PLXND1: variants seen among roughly 807,000 people sequenced by gnomAD.
PLXND1 encodes plexin-D1.
In PLXND1, 54 loss-of-function variants were observed where a neutral mutation model predicts 197.7. The ratio of observed to expected loss-of-function variants is 0.27; its 90% CI spans 0.22 to 0.34. PLXND1 has a LOEUF of 0.34. Among genes scored for constraint, PLXND1 ranks in the 10% least tolerant of loss-of-function variants. The pLI, the probability that PLXND1 is intolerant of heterozygous loss-of-function variation, is 1.00. For synonymous variants in PLXND1, 1,180 were observed against 1,161.2 expected (o/e 1.02, Z -0.33); for missense variants, 2,127 against 2,699.2 (o/e 0.79, Z 4.70).
chr3:129,569,602 T>G, intron 20 of PLXND1: 2 of 493,600 alleles, frequency 4.1e-6, no homozygotes, highest in South Asian at 5.4e-5. Context: ...CTGCTTGAGA[T>G]TCAGGGACCT....
intron 8 of PLXND1, 83 bp from the exon 9 acceptor site, chr3:129,578,516 G>T (rs1218318046): frequency 3.7e-6 from 3 of 802,174 alleles, no homozygotes; most frequent in Non-Finnish European, 6.1e-6. Flanking sequence ...CAGCCTGCCT[G>T]GTTCAGTCCT....
At chr3:129,574,915 G>A (rs1359580524) in intron 11 of PLXND1, among the ~76,000 whole-genome samples, 2 of 152,188 alleles carry the variant, frequency 1.3e-5, no homozygotes, top group Non-Finnish European at 2.9e-5. Context: ...GAGTAATGTG[G>A]ACTATGAGTA....
In PLXND1 at chr3:129,571,232, T is replaced by C. The variant is rs976527871; in HGVS notation, c.3408A>G (p.Pro1136=). 24 of 1,613,974 alleles carry C rather than the reference T, an allele frequency of 1.5e-5. No homozygotes were observed. In the African/African-American group the frequency reaches 1.7e-4, roughly 12 times the overall value. ...CCCGCCCATTGATGAAGAAGTCCAC[T>C]GGCGCTGATGCGTTGCTCAGGGCCC... ...SPGALSNASA[P]VDFFINGRAY... Residue 1136 remains proline (P), a synonymous_variant, in exon 18 of 36, where the codon CCA becomes CCG. Coordinates refer to ENST00000324093, the MANE Select transcript of PLXND1 (RefSeq NM_015103.3).
chr3:129,566,992 G>A (rs1005229491), intron 22 of PLXND1, among the ~76,000 whole-genome samples: 2 of 152,198 alleles, frequency 1.3e-5, no homozygotes, highest in African/African-American at 4.8e-5. Context: ...ACTGTGTGGG[G>A]AATGGTGTGG....
Position 129,559,654 on chromosome 3 carries a change from C to T in PLXND1, c.5263G>A (p.Asp1755Asn), listed in dbSNP as rs749429932. 3.7e-6 allele frequency: 6 copies of T among 1,612,212 alleles called. No individual in the cohort carries two copies. Among genetic ancestry groups the T allele is most frequent in the South Asian group, 2.2e-5 (2 of 90,730 alleles). ...EEQAEKRGIS[D>N]PDTLHIWKTN... is the part of the protein sequence containing the mutation. ...TTCCAGATGTGTAGGGTGTCGGGGTCGGAGATTCCCCTCTTCTCAGCCTGC... is the reference window on the plus strand; with the variant it reads ...TTCCAGATGTGTAGGGTGTCGGGGTTGGAGATTCCCCTCTTCTCAGCCTGC... Residue 1755 changes from aspartate to asparagine, a missense_variant, in exon 32 of 36, where the codon GAC becomes AAC. Coordinates refer to ENST00000324093, the MANE Select transcript of PLXND1 (RefSeq NM_015103.3).
Position 129,575,796 on chromosome 3 carries a change from A to G in PLXND1, c.2406T>C (p.Asn802=). ...CCTGGTCACAGCGTACAACAGACTC[A>G]TTCACCCACACAGCCTCGAAGATCT... The part of the protein sequence containing the change: ...LEEIFEAVWV[N]ESVVRCDQVV... Residue 802 remains asparagine, a synonymous_variant, in exon 10 of 36, where the codon AAT becomes AAC. Coordinates refer to ENST00000324093, the MANE Select transcript of PLXND1 (RefSeq NM_015103.3). 7 of 1,612,548 alleles carry G rather than the reference A, an allele frequency of 4.3e-6. No individual in the cohort carries two copies. The highest frequency in any genetic ancestry group is 5.9e-6 in the Non-Finnish European group (7 of 1,178,586).
intron 6 of PLXND1, 69 bp downstream of exon 6, chr3:129,584,316 G>C: frequency 6.3e-7 from 1 of 1,596,596 alleles, no homozygotes; most frequent in Non-Finnish European, 8.6e-7. Context: ...CTGGCCCCCT[G>C]CCATCCCCAT....
At chr3:129,605,249 G>A (rs2085766614) in intron 1 of PLXND1, 80 bp downstream of exon 1, 3 of 573,048 alleles carry the variant, frequency 5.2e-6, no homozygotes, top group Non-Finnish European at 7.6e-6. Context: ...CTCAGCTCAC[G>A]ACCCGCTCGG....
chr3:129,605,646 T>G lies in PLXND1; in HGVS notation c.994A>C (p.Lys332Gln). Residue 332 changes from lysine to glutamine, a missense_variant, in exon 1 of 36, where the codon AAG becomes CAG. Coordinates refer to ENST00000324093, the MANE Select transcript of PLXND1 (RefSeq NM_015103.3). ...CLPHGAGGDA[K>Q]KLTESYIQLG... ...TGGATGTAGGACTCGGTGAGCTTCT[T>G]GGCGTCGCCGCCGGCGCCGTGGGGC... 3.3e-6 allele frequency: 5 copies of G among 1,536,642 alleles called. No individual in the cohort carries two copies. Among genetic ancestry groups the G allele is most frequent in the Non-Finnish European group, 4.4e-6 (5 of 1,145,296 alleles).
At chr3:129,562,756 A>C (rs2085080112) in intron 27 of PLXND1, 31 bp downstream of exon 27, 7 of 1,574,280 alleles carry the variant, frequency 4.4e-6, no homozygotes, top group Non-Finnish European at 6.1e-6. Flanking sequence ...GAAGCGCCTG[A>C]CACGGGGTCT....
chr3:129,582,854 C>T (rs2085404626), intron 8 of PLXND1, among the ~76,000 whole-genome samples: 1 of 152,224 alleles, frequency 6.6e-6, no homozygotes, highest in Admixed American at 6.5e-5. Context: ...AACCACCATG[C>T]AGTGCTGGGG....
In PLXND1 at chr3:129,584,512, C is replaced by T. The variant is rs756109058; in HGVS notation, c.1902G>A (p.Glu634=). 6.2e-6 allele frequency: 10 copies of T among 1,613,736 alleles called. No individual in the cohort carries two copies. The East Asian group carries it at 1.8e-4, about 29-fold the overall frequency. ...TGTTGTTCCCATAGTCACAGGCCAT[C>T]TCCATGCCACTGAGGCTGGGCAGGC... ...SGSLPSLSGM[E]MACDYGNNIR... is the part of the protein sequence containing the mutation. Residue 634 remains glutamate, a synonymous_variant, in exon 6 of 36, where the codon GAG becomes GAA. Transcript: ENST00000324093.
In PLXND1 at chr3:129,584,542, C is replaced by T. The variant is rs369001523; in HGVS notation, c.1872G>A (p.Ser624=). ...QEYPGMILQI[S]GSLPSLSGME... ...TGCCACTGAGGCTGGGCAGGCTGCCCGAGATCTGCAGGATCATGCCCTGGG... is the reference window on the plus strand; with the variant it reads ...TGCCACTGAGGCTGGGCAGGCTGCCTGAGATCTGCAGGATCATGCCCTGGG... Residue 624 remains serine, a synonymous_variant, in exon 6 of 36, where the codon TCG becomes TCA. Transcript: ENST00000324093. The T allele has an allele frequency of 1.5e-5, 24 of 1,610,208 alleles. No homozygotes were observed. The highest frequency in any genetic ancestry group is 3.3e-5 in the Admixed American group (2 of 59,798).
At position 129,574,341 on chromosome 3, in the gene PLXND1, G is replaced by A. The variant is rs558944120; in HGVS notation, c.2680C>T (p.His894Tyr). The A allele has an allele frequency of 2.9e-5, 46 of 1,602,708 alleles. No homozygotes were observed. The highest frequency in any genetic ancestry group is 5.4e-5 in the African/African-American group (4 of 74,756). Residue 894 changes from histidine to tyrosine, a missense_variant, in exon 12 of 36, where the codon CAC (histidine) becomes TAC (tyrosine). Physicochemically the swap from His to Tyr is moderately conservative, Grantham distance 83 (BLOSUM62 2). Around this residue, in one of 6 missense-constraint regions of PLXND1, gnomAD observed 1,095 missense variants for 1,259.8 expected, o/e 0.87. Coordinates refer to ENST00000324093, the MANE Select transcript of PLXND1 (RefSeq NM_015103.3). Reference sequence around the variant, plus strand: ...CCTCCACTGGGCATGCTTACCGCGTGGATCTCGGGGGCGGGGCAGGTGCCA... The same window carrying A: ...CCTCCACTGGGCATGCTTACCGCGTAGATCTCGGGGGCGGGGCAGGTGCCA... ...MAGTCPAPEI[H>Y]AIEPLSGPLD...
At position 129,594,175 on chromosome 3, in the gene PLXND1, G is replaced by A. The variant is rs373508782; in HGVS notation, c.1312-4648C>T. Reference sequence around the variant, plus strand: ...GTACAGACTGCATGGCTACCACACCGGCTGCGGAGGCTTTGCACTTGAGAA... The same window carrying A: ...GTACAGACTGCATGGCTACCACACCAGCTGCGGAGGCTTTGCACTTGAGAA... On this transcript the variant is annotated intron_variant, in intron 1 of 35. Transcript: ENST00000324093. Among the ~76,000 whole-genome samples the A allele has an allele frequency of 5.3e-5, 8 of 152,330 alleles. No homozygotes were observed. In the East Asian group the frequency reaches 1.5e-3, roughly 29 times the overall value.
intron 1 of PLXND1, among the ~76,000 whole-genome samples, chr3:129,597,528 T>G (rs543954950): frequency 1.3e-5 from 2 of 152,268 alleles, no homozygotes; most frequent in East Asian, 3.9e-4. Flanking sequence ...TGCTACATGA[T>G]TAACGCCCCA....
At chr3:129,584,624 G>A in intron 5 of PLXND1, 62 bp from the exon 6 acceptor site, 1 of 1,492,484 alleles carries the variant, frequency 6.7e-7, no homozygotes, top group Non-Finnish European at 9.1e-7. Context: ...CCTGCCCCAG[G>A]GCTGTGCACC....
At chr3:129,594,785 G>C (rs2085596081) in intron 1 of PLXND1, among the ~76,000 whole-genome samples, 1 of 152,072 alleles carries the variant, frequency 6.6e-6, no homozygotes, top group South Asian at 2.1e-4. Context: ...AGAAACTAGG[G>C]GACGGGTATA....
chr3:129,584,127 T>C lies in PLXND1; in HGVS notation c.2136A>G (p.Thr712=). ...GGCAAGCCACCCAAGCCACTCACGC[T>C]GTGTGGGGGTACACTTGTGCAGTGC... ...CSRTAQVYPH[T]ACTSCLSAQW... Residue 712 remains threonine, a splice_region_variant and synonymous_variant, in exon 7 of 36, where the codon ACA becomes ACG. Coordinates refer to ENST00000324093, the MANE Select transcript of PLXND1 (RefSeq NM_015103.3). 6.4e-7 allele frequency: 1 copy of C among 1,555,298 alleles called. No individual in the cohort carries two copies. Among genetic ancestry groups the C allele is most frequent in the Non-Finnish European group, 8.7e-7 (1 of 1,147,072 alleles).
Sources: gnomAD v4.1 joint callset for allele counts (sites outside exome capture counted in the v4.1 genomes callset) on GRCh38, gnomAD v4.1.1 for gene constraint, gnomAD v4.1.1 regional missense constraint, MANE v1.5 for transcripts, NCBI Gene and HGNC (gene_info 2026-07-23, HGNC 2026-07-21) for gene names.